The following NPAS3 variants were observed in gnomAD, a reference collection of about 807,000 sequenced individuals.
NPAS3 encodes neuronal PAS domain-containing protein 3.
In NPAS3, 14 loss-of-function variants were observed where a neutral mutation model predicts 73.1. That is an observed-to-expected ratio of 0.19 (90% CI 0.13 to 0.30). The LOEUF (loss-of-function observed/expected upper bound fraction) is 0.30. Ranked by LOEUF, NPAS3 falls within the 10% of genes least tolerant of loss-of-function variation. The pLI is 1.00. For synonymous variants in NPAS3, 620 were observed against 541.5 expected (o/e 1.14, Z -2.01); for missense variants, 1,096 against 1,250.0 (o/e 0.88, Z 1.86).
At position 33,754,468 on chromosome 14, in the gene NPAS3, C is replaced by T. The variant is rs1317444064; in HGVS notation, c.852+19136C>T. On this transcript the variant is annotated intron_variant, in intron 7 of 11. Transcript: ENST00000356141. ...TCTCTGACCTCATGTTCGTGGAATGCTTAGGAGCAGGGGAAGAATAGTGGC... is the reference window on the plus strand; with the variant it reads ...TCTCTGACCTCATGTTCGTGGAATGTTTAGGAGCAGGGGAAGAATAGTGGC... Among the ~76,000 whole-genome samples the T allele has an allele frequency of 5.9e-5, 9 of 152,166 alleles. No individual in the cohort carries two copies. In the South Asian group the frequency reaches 1.7e-3, roughly 28 times the overall value.
intron 1 of NPAS3, among the ~76,000 whole-genome samples, chr14:32,977,339 A>G (rs1012100230): frequency 1.7e-5 from 1 of 58,430 alleles, no homozygotes; most frequent in Non-Finnish European, 4.3e-5. Context: ...CCTTTCTACG[A>G]GTTTTGTCTC....
intron 4 of NPAS3, among the ~76,000 whole-genome samples, chr14:33,511,659 A>G (rs1983759): frequency 0.33 from 50,074 of 151,930 alleles, 9,129 homozygotes; most frequent in Admixed American, 0.45. Flanking sequence ...AATCCTGCTC[A>G]CTGGTAGGCA....
chr14:33,537,526 T>C (rs1440693422), intron 4 of NPAS3, among the ~76,000 whole-genome samples: 2 of 152,216 alleles, frequency 1.3e-5, no homozygotes, highest in Non-Finnish European at 2.9e-5. Flanking sequence ...AGTTTCTTTA[T>C]ATTCAAACCA....
chr14:33,485,843 T>C (rs547355164), intron 4 of NPAS3, among the ~76,000 whole-genome samples: 7 of 152,174 alleles, frequency 4.6e-5, no homozygotes, highest in African/African-American at 4.8e-5. Context: ...ATTTGCATTT[T>C]TTTTTTCACC....
chr14:33,782,845 G>A (rs556608246), intron 9 of NPAS3, among the ~76,000 whole-genome samples: 2 of 146,032 alleles, frequency 1.4e-5, no homozygotes, highest in African/African-American at 4.9e-5. Context: ...AAAAACAGTA[G>A]CTTAAGTGTT....
At chr14:33,218,594 G>T (rs186542947) in intron 3 of NPAS3, among the ~76,000 whole-genome samples, 1 of 152,092 alleles carries the variant, frequency 6.6e-6, no homozygotes, top group Admixed American at 6.5e-5. Flanking sequence ...GCAATAAAAC[G>T]ATAGACATTA....
At chr14:33,563,537 C>CACACACACAGAGAGAGAGAGAG in intron 5 of NPAS3, among the ~76,000 whole-genome samples, 116 of 119,700 alleles carry the variant, frequency 9.7e-4, no homozygotes, top group African/African-American at 4.1e-3. Context: ...CACACACACA[C>CACACACACAGAGAGAGAGAGAG]AGAGAGAGAG....
intron 3 of NPAS3, among the ~76,000 whole-genome samples, chr14:33,284,085 C>A (rs1308849847): frequency 6.6e-6 from 1 of 152,066 alleles, no homozygotes; most frequent in Non-Finnish European, 1.5e-5. Flanking sequence ...TTGTTTGCAT[C>A]TTTGTAAACT....
intron 7 of NPAS3, among the ~76,000 whole-genome samples, chr14:33,772,249 G>A (rs2062677546): frequency 6.6e-6 from 1 of 152,204 alleles, no homozygotes. Flanking sequence ...TTGAGACACA[G>A]AGAGGCTGCG....
chr14:33,793,907 G>A (rs748003307), exon 10 of NPAS3: 32 of 1,612,720 alleles, frequency 2.0e-5, no homozygotes, highest in Non-Finnish European at 2.5e-5. Flanking sequence ...TGCTGAATAA[G>A]GGTCAGTGTG....
At chr14:33,551,876 A>G (rs2055133874) in intron 4 of NPAS3, among the ~76,000 whole-genome samples, 1 of 152,218 alleles carries the variant, frequency 6.6e-6, no homozygotes, top group South Asian at 2.1e-4. Flanking sequence ...CCCCAAAACA[A>G]CACCAACCTG....
intron 1 of NPAS3, among the ~76,000 whole-genome samples, chr14:32,967,779 G>GT (rs2037241186): frequency 6.7e-6 from 1 of 148,944 alleles, no homozygotes. Context: ...TGTGGGGGGG[G>GT]GTCCTAAAAA....
chr14:33,233,997 G>A (rs1443508403), intron 3 of NPAS3, among the ~76,000 whole-genome samples: 2 of 152,040 alleles, frequency 1.3e-5, no homozygotes, highest in Admixed American at 1.3e-4. Context: ...CAACTATGCT[G>A]TCAATTCAAA....
intron 4 of NPAS3, among the ~76,000 whole-genome samples, chr14:33,415,850 C>T (rs2048123910): frequency 6.6e-6 from 1 of 152,098 alleles, no homozygotes; most frequent in African/African-American, 2.4e-5. Flanking sequence ...AGTTTTAGAA[C>T]AGTTCCCTCG....
chr14:33,623,261 A>G (rs1289427088), intron 5 of NPAS3, among the ~76,000 whole-genome samples: 1 of 152,230 alleles, frequency 6.6e-6, no homozygotes, highest in Non-Finnish European at 1.5e-5. Flanking sequence ...CCCACAAAGT[A>G]CAATGGACAG....
At chr14:33,610,488 T>G (rs2057716439) in intron 5 of NPAS3, among the ~76,000 whole-genome samples, 1 of 152,150 alleles carries the variant, frequency 6.6e-6, no homozygotes, top group Non-Finnish European at 1.5e-5. Flanking sequence ...AGACCTACAG[T>G]TAGAAATGCT....
At chr14:33,130,742 T>C (rs925226597) in intron 2 of NPAS3, among the ~76,000 whole-genome samples, 1 of 152,206 alleles carries the variant, frequency 6.6e-6, no homozygotes. Flanking sequence ...TTTGCTTATA[T>C]TGTATTTTTA....
intron 3 of NPAS3, among the ~76,000 whole-genome samples, chr14:33,338,007 C>G (rs1050357401): frequency 3.3e-5 from 5 of 150,982 alleles, no homozygotes; most frequent in Non-Finnish European, 7.4e-5. Context: ...TGTATAGGAG[C>G]ATGTTATCTG....
intron 3 of NPAS3, among the ~76,000 whole-genome samples, chr14:33,317,626 G>A (rs1299633397): frequency 6.6e-6 from 1 of 151,944 alleles, no homozygotes; most frequent in Non-Finnish European, 1.5e-5. Flanking sequence ...TTTCTTGAGG[G>A]GCTTTTCCCC....
Sources: gnomAD v4.1 joint callset for allele counts (sites outside exome capture counted in the v4.1 genomes callset) on GRCh38, gnomAD v4.1.1 for gene constraint, MANE v1.5 for transcripts, NCBI Gene and HGNC (gene_info 2026-07-23, HGNC 2026-07-21) for gene names.